ATP6V1G1: variants seen among roughly 807,000 people sequenced by gnomAD.
The protein encoded by ATP6V1G1 is ATPase H+ transporting V1 subunit G1.
In ATP6V1G1, 14 loss-of-function variants were observed where a neutral mutation model predicts 14.2. The observed-to-expected ratio is 0.99, with a 90% CI of 0.65 to 1.55. The LOEUF is 1.55. ATP6V1G1 is among the 40% of genes most tolerant of loss of function. The probability of loss-of-function intolerance (pLI) is 0.00; values close to 1 mark genes in which losing one functional copy is unlikely to be tolerated. For synonymous variants in ATP6V1G1, 65 were observed against 53.3 expected (o/e 1.22, Z -0.96); for missense variants, 137 against 146.4 (o/e 0.94, Z 0.33).
chr9:114,591,041 ACCTTG>A (rs1845177740), intron 1 of ATP6V1G1, among the ~76,000 whole-genome samples: 1 of 151,648 alleles, frequency 6.6e-6, no homozygotes, highest in African/African-American at 2.4e-5. Flanking sequence ...TGATCTGCTC[ACCTTG>A]GCCTCTCAAA....
At position 114,597,151 on chromosome 9, in the gene ATP6V1G1, C is replaced by T. The variant is rs1029540376; in HGVS notation, c.184-419C>T. 1.7e-4 allele frequency among the ~76,000 whole-genome samples: 26 copies of T among 151,726 alleles called. No individual in the cohort carries two copies. The East Asian group carries it at 4.3e-3, about 25-fold the overall frequency. ...GACTACAGGCGCCCGCTACCACGCCCGGCTAATTTTTTGTATTTTTAGTAG... is the reference window on the plus strand; with the variant it reads ...GACTACAGGCGCCCGCTACCACGCCTGGCTAATTTTTTGTATTTTTAGTAG... On this transcript the variant is annotated intron_variant, in intron 2 of 2. Transcript: ENST00000374050.
chr9:114,596,986 C>CTTT lies in ATP6V1G1; in HGVS notation c.184-564_184-562dup, dbSNP rs71367785. The stretch of plus-strand genomic sequence containing the variant: ...TTTGGTTAAGGCTATATAGCAGATT[C>CTTT]TTTTTTTTTTTTTTTTTTTTTTGAG... On this transcript the variant is annotated intron_variant, in intron 2 of 2. Coordinates refer to ENST00000374050, the MANE Select transcript of ATP6V1G1 (RefSeq NM_004888.4). 4.1e-3 allele frequency among the ~76,000 whole-genome samples: 432 copies of CTTT among 104,518 alleles called. 2 individuals are homozygous for CTTT. Among genetic ancestry groups the CTTT allele is most frequent in the East Asian group, 8.1e-3 (27 of 3,354 alleles). The allele number at this position is 104,518 out of a possible 152,430, so 68.6% of individuals were successfully genotyped here.
At chr9:114,595,729 G>A (rs1845230996) in intron 2 of ATP6V1G1, among the ~76,000 whole-genome samples, 1 of 152,056 alleles carries the variant, frequency 6.6e-6, no homozygotes, top group Non-Finnish European at 1.5e-5. Flanking sequence ...AGGATCTCTT[G>A]AGCTTGGAGT....
In ATP6V1G1 at chr9:114,587,814, C is replaced by A. The variant is rs916460568; in HGVS notation, c.-25C>A. On this transcript the variant is annotated 5_prime_UTR_variant, in exon 1 of 3. Transcript: ENST00000374050. ...CCTTCGAGGTGCCTTAGGCCGCTTGCCTTGCTCTCAGAATCGCTGCCGCCA... is the reference window on the plus strand; with the variant it reads ...CCTTCGAGGTGCCTTAGGCCGCTTGACTTGCTCTCAGAATCGCTGCCGCCA... The A allele has an allele frequency of 1.3e-6, 2 of 1,570,598 alleles. No homozygotes were observed. Among genetic ancestry groups the A allele is most frequent in the Non-Finnish European group, 1.7e-6 (2 of 1,157,592 alleles).
intron 2 of ATP6V1G1, among the ~76,000 whole-genome samples, chr9:114,593,649 A>C (rs1845205931): frequency 6.6e-6 from 1 of 152,086 alleles, no homozygotes; most frequent in Non-Finnish European, 1.5e-5. Context: ...GGCATGATCC[A>C]TCATGCTCAG....
At chr9:114,590,355 G>A (rs1845171299) in intron 1 of ATP6V1G1, among the ~76,000 whole-genome samples, 1 of 150,966 alleles carries the variant, frequency 6.6e-6, no homozygotes, top group South Asian at 2.1e-4. Flanking sequence ...CACCTCCAGA[G>A]TTCGAGATTT....
intron 1 of ATP6V1G1, among the ~76,000 whole-genome samples, chr9:114,591,137 C>A (rs1288864737): frequency 6.6e-6 from 1 of 152,174 alleles, no homozygotes; most frequent in African/African-American, 2.4e-5. Context: ...TGGCATATTT[C>A]ATTGGAGTGA....
In ATP6V1G1 at chr9:114,597,790, C is replaced by A. The variant is rs376643316; in HGVS notation, c.*47C>A. ...TGGAGTGGCATTTTAGATGCCCTCA[C>A]GAATATGAAGCTTAGCACAGCTCTA... On this transcript the variant is annotated 3_prime_UTR_variant, in exon 3 of 3. Transcript: ENST00000374050. The A allele has an allele frequency of 3.4e-6, 5 of 1,459,204 alleles. No homozygotes were observed. The highest frequency in any genetic ancestry group is 1.5e-5 in the South Asian group (1 of 66,024). The allele number at this position is 1,459,204 out of a possible 1,614,324, so 90.4% of individuals were successfully genotyped here.
At position 114,588,971 on chromosome 9, in the gene ATP6V1G1, C is replaced by G. The variant is rs1345084319; in HGVS notation, c.82+1051C>G. On this transcript the variant is annotated intron_variant, in intron 1 of 2. Transcript: ENST00000374050. ...GGCCTGGTGCTTTCCTCCAGCTATACTGAATCGTTGTGGTCCCTCAGAAGC... is the reference window on the plus strand; with the variant it reads ...GGCCTGGTGCTTTCCTCCAGCTATAGTGAATCGTTGTGGTCCCTCAGAAGC... Among the ~76,000 whole-genome samples the G allele has an allele frequency of 2.6e-5, 4 of 152,296 alleles. No homozygotes were observed. The East Asian group carries it at 7.7e-4, about 29-fold the overall frequency.
chr9:114,588,297 C>T (rs1205605488), intron 1 of ATP6V1G1, among the ~76,000 whole-genome samples: 1 of 151,982 alleles, frequency 6.6e-6, no homozygotes, highest in African/African-American at 2.4e-5. Flanking sequence ...AACCTGGAGT[C>T]CTGCTTGCCT....
chr9:114,589,527 T>TA (rs1274273539), intron 1 of ATP6V1G1, among the ~76,000 whole-genome samples: 1 of 152,208 alleles, frequency 6.6e-6, no homozygotes, highest in Non-Finnish European at 1.5e-5. Context: ...ATGTCTCCTC[T>TA]ACTTGTGCAG....
intron 2 of ATP6V1G1, among the ~76,000 whole-genome samples, chr9:114,597,236 C>G (rs10817643): frequency 0.18 from 27,286 of 151,512 alleles, 2,606 homozygotes; most frequent in Middle Eastern, 0.25. Flanking sequence ...GTGATCCGCC[C>G]GCCTCGGCCT....
intron 2 of ATP6V1G1, among the ~76,000 whole-genome samples, chr9:114,594,065 A>ATTTTTTT (rs57752605): frequency 7.4e-6 from 1 of 135,324 alleles, no homozygotes; most frequent in African/African-American, 2.7e-5. Flanking sequence ...CATCATCTTC[A>ATTTTTTT]TTTTTTTTTT....
chr9:114,590,758 A>G (rs1564273884), intron 1 of ATP6V1G1, among the ~76,000 whole-genome samples: 1 of 151,072 alleles, frequency 6.6e-6, no homozygotes, highest in African/African-American at 2.4e-5. Context: ...TGGACCTTAA[A>G]TTTTTTTTAT....
chr9:114,595,151 AG>A (rs1448092757), intron 2 of ATP6V1G1, among the ~76,000 whole-genome samples: 2 of 151,902 alleles, frequency 1.3e-5, no homozygotes, highest in Non-Finnish European at 2.9e-5. Context: ...TAGAGGTGTG[AG>A]CTACCATGCT....
chr9:114,588,022 G>T, intron 1 of ATP6V1G1, 102 bp downstream of exon 1: 1 of 1,269,422 alleles, frequency 7.9e-7, no homozygotes, highest in Non-Finnish European at 1.1e-6. Context: ...CGGGGTGCGG[G>T]CGTGCGTATA....
At chr9:114,590,513 C>T (rs956348828) in intron 1 of ATP6V1G1, among the ~76,000 whole-genome samples, 9 of 151,960 alleles carry the variant, frequency 5.9e-5, no homozygotes, top group South Asian at 4.1e-4. Flanking sequence ...CTATGTCGGC[C>T]GGGTTCTTCT....
chr9:114,598,745 G>A lies in ATP6V1G1; in HGVS notation c.*1002G>A, dbSNP rs1219235189. On this transcript the variant is annotated 3_prime_UTR_variant, in exon 3 of 3. Coordinates refer to ENST00000374050, the MANE Select transcript of ATP6V1G1 (RefSeq NM_004888.4). ...TCATACTAGCCCTTACAAGTTAAAT[G>A]TCCTGTGGCCATCTTAGCCGAAAGT... Among the ~76,000 whole-genome samples the A allele has an allele frequency of 2.0e-5, 3 of 152,116 alleles. No individual in the cohort carries two copies. The highest frequency in any genetic ancestry group is 4.4e-5 in the Non-Finnish European group (3 of 68,030).
intron 2 of ATP6V1G1, 74 bp downstream of exon 2, chr9:114,592,726 G>A: frequency 6.9e-7 from 1 of 1,451,736 alleles, no homozygotes; most frequent in Non-Finnish European, 9.4e-7. Context: ...AGAATATCCA[G>A]CATAGCTCAG....
Sources: gnomAD v4.1 joint callset for allele counts (sites outside exome capture counted in the v4.1 genomes callset) on GRCh38, gnomAD v4.1.1 for gene constraint, MANE v1.5 for transcripts, NCBI Gene and HGNC (gene_info 2026-07-23, HGNC 2026-07-21) for gene names.